NMNAT2: variants seen among roughly 807,000 people sequenced by gnomAD.
NMNAT2 encodes the protein nicotinamide/nicotinic acid mononucleotide adenylyltransferase 2.
In NMNAT2, 11 loss-of-function variants were observed where a neutral mutation model predicts 41.6. That is an observed-to-expected ratio of 0.26 (90% CI 0.17 to 0.44). NMNAT2 has a LOEUF of 0.44. NMNAT2 is among the 20% of genes least tolerant of loss of function. The probability of loss-of-function intolerance (pLI) is 1.00; values close to 1 mark genes in which losing one functional copy is unlikely to be tolerated. For synonymous variants in NMNAT2, 148 were observed against 151.2 expected (o/e 0.98, Z 0.16); for missense variants, 288 against 407.7 (o/e 0.71, Z 2.53).
chr1:183,304,727 C>T, intron 1 of NMNAT2: 2 of 1,614,044 alleles, frequency 1.2e-6, no homozygotes, highest in Middle Eastern at 1.6e-4. Context: ...TCCTCTAGTT[C>T]CTGGATTTCC....
At position 183,401,710 on chromosome 1, in the gene NMNAT2, G is replaced by T. The variant is rs192638312; in HGVS notation, c.85+16473C>A. Among the ~76,000 whole-genome samples the T allele has an allele frequency of 3.7e-4, 56 of 152,150 alleles. 1 individual carries two copies. Among genetic ancestry groups the T allele is most frequent in the African/African-American group, 1.3e-3 (54 of 41,498 alleles). The stretch of plus-strand genomic sequence containing the variant: ...ACTGGATTAAGAAAATGTGGCACAT[G>T]TACACCATGGAATACTATGCAGCCA... On this transcript the variant is annotated intron_variant, in intron 1 of 10. Coordinates refer to ENST00000287713, the MANE Select transcript of NMNAT2 (RefSeq NM_015039.4).
chr1:183,398,961 A>G (rs1049796062), intron 1 of NMNAT2, among the ~76,000 whole-genome samples: 34 of 152,362 alleles, frequency 2.2e-4, no homozygotes, highest in Middle Eastern at 3.4e-3. Flanking sequence ...AGAAAGCAGG[A>G]AAGATCTAAA....
At chr1:183,275,394 G>T (rs1465237593) in intron 8 of NMNAT2, among the ~76,000 whole-genome samples, 1 of 152,056 alleles carries the variant, frequency 6.6e-6, no homozygotes, top group East Asian at 1.9e-4. Context: ...GCTGTGGGTT[G>T]AGGCAGGGGA....
intron 10 of NMNAT2, among the ~76,000 whole-genome samples, chr1:183,258,802 C>T (rs1036917511): frequency 1.3e-5 from 2 of 152,082 alleles, no homozygotes; most frequent in Admixed American, 1.3e-4. Flanking sequence ...CACCCAGGAA[C>T]TGACTCAGTG....
Position 183,278,280 on chromosome 1 carries a change from T to C in NMNAT2, c.651+273A>G, listed in dbSNP as rs16860742. Among the ~76,000 whole-genome samples the C allele has an allele frequency of 6.9e-3, 1,052 of 152,224 alleles. 12 individuals are homozygous for C. Among genetic ancestry groups the C allele is most frequent in the African/African-American group, 0.024 (1,009 of 41,524 alleles). ...CTTCCTTCTCCCCATCGGCAACACATGCATACCCCAGCACTATTTGGTGCT... is the reference window on the plus strand; with the variant it reads ...CTTCCTTCTCCCCATCGGCAACACACGCATACCCCAGCACTATTTGGTGCT... On this transcript the variant is annotated intron_variant, in intron 8 of 10. Transcript: ENST00000287713.
intron 1 of NMNAT2, among the ~76,000 whole-genome samples, chr1:183,311,568 C>T (rs1459143375): frequency 6.6e-6 from 1 of 152,060 alleles, no homozygotes; most frequent in Non-Finnish European, 1.5e-5. Context: ...ACCTGCCTAC[C>T]ACTTCTCAGG....
chr1:183,274,399 C>A (rs1428285775), intron 8 of NMNAT2, among the ~76,000 whole-genome samples: 1 of 152,048 alleles, frequency 6.6e-6, no homozygotes, highest in African/African-American at 2.4e-5. Context: ...GCAATCTCTG[C>A]CTCCCGGGTT....
intron 1 of NMNAT2, among the ~76,000 whole-genome samples, chr1:183,391,436 G>A (rs140496904): frequency 1.3e-5 from 2 of 152,012 alleles, no homozygotes; most frequent in East Asian, 1.9e-4. Flanking sequence ...ACATTCTTTC[G>A]AGATTTCTCC....
In NMNAT2 at chr1:183,252,739, C is replaced by T; in HGVS notation, c.826G>A (p.Ala276Thr). ...SVVSSTKSRL[A>T]LQHGDGHVVD... Reference sequence around the variant, plus strand: ...ACATGGCCGTCCCCATGCTGCAGGGCCAGCCTGCACAAGAAGAGATGACAA... The same window carrying T: ...ACATGGCCGTCCCCATGCTGCAGGGTCAGCCTGCACAAGAAGAGATGACAA... Residue 276 changes from alanine to threonine, a missense_variant, in exon 11 of 11, where the codon GCC becomes ACC. Ala to Thr is a moderately conservative substitution (Grantham distance 58). Around this residue, in one of 3 missense-constraint regions of NMNAT2, gnomAD observed 181 missense variants for 213.7 expected, o/e 0.85. Transcript: ENST00000287713. 1 of 1,612,274 alleles carries T rather than the reference C, an allele frequency of 6.2e-7. No individual in the cohort carries two copies. The highest frequency in any genetic ancestry group is 8.5e-7 in the Non-Finnish European group (1 of 1,178,372).
intron 1 of NMNAT2, among the ~76,000 whole-genome samples, chr1:183,374,953 A>G (rs946793453): frequency 6.6e-6 from 1 of 152,180 alleles, no homozygotes; most frequent in African/African-American, 2.4e-5. Context: ...GTGTCTAAAC[A>G]TGGTCTGCAT....
At chr1:183,402,796 G>A (rs1648848760) in intron 1 of NMNAT2, among the ~76,000 whole-genome samples, 2 of 152,034 alleles carry the variant, frequency 1.3e-5, no homozygotes. Context: ...GTTCCCTCTG[G>A]GGATAATTCA....
At chr1:183,360,107 T>G (rs1176832116) in intron 1 of NMNAT2, among the ~76,000 whole-genome samples, 1 of 152,180 alleles carries the variant, frequency 6.6e-6, no homozygotes, top group African/African-American at 2.4e-5. Flanking sequence ...TGCTCTGTCC[T>G]TATTTCTGTA....
At chr1:183,392,843 C>G (rs921635480) in intron 1 of NMNAT2, among the ~76,000 whole-genome samples, 1 of 152,222 alleles carries the variant, frequency 6.6e-6, no homozygotes, top group African/African-American at 2.4e-5. Context: ...TCACCTTTTG[C>G]AATTGCAATC....
intron 1 of NMNAT2, among the ~76,000 whole-genome samples, chr1:183,375,733 A>G (rs1571626411): frequency 6.6e-6 from 1 of 152,212 alleles, no homozygotes; most frequent in African/African-American, 2.4e-5. Flanking sequence ...CTATCCATTG[A>G]ACGAAGAGTC....
rs369432128 is a variant in NMNAT2 at position 183,341,748 on chromosome 1, C to CAAAAAAAAAAAAAA, written c.86-47956_86-47955insTTTTTTTTTTTTTT. 2.1e-3 allele frequency among the ~76,000 whole-genome samples: 167 copies of CAAAAAAAAAAAAAA among 79,834 alleles called. 20 individuals carry two copies. The highest frequency in any genetic ancestry group is 6.9e-3 in the African/African-American group (157 of 22,676). The allele number at this position is 79,834 out of a possible 152,430, so 52.4% of individuals were successfully genotyped here. A position where few individuals can be genotyped will look rare whatever the true frequency, so the allele number is the denominator to read the frequency against. On this transcript the variant is annotated intron_variant, in intron 1 of 10. Transcript: ENST00000287713. The stretch of plus-strand genomic sequence containing the variant: ...ACCAAAAAAAAAAAAAAAAAAAAAA[C>CAAAAAAAAAAAAAA]CTGTTTCCTTCACTCCAGGTTACTT...
Position 183,381,645 on chromosome 1 carries a change from C to T in NMNAT2, c.85+36538G>A, listed in dbSNP as rs186488931. On this transcript the variant is annotated intron_variant, in intron 1 of 10. Transcript: ENST00000287713. Reference sequence around the variant, plus strand: ...CCAGGAAGAAGAGGTTCCAGTGAGCCGAGATCATGCTAGTGCACTCCAGCC... The same window carrying T: ...CCAGGAAGAAGAGGTTCCAGTGAGCTGAGATCATGCTAGTGCACTCCAGCC... Among the ~76,000 whole-genome samples, 395 of 151,846 alleles carry T rather than the reference C, an allele frequency of 2.6e-3. 2 individuals carry two copies. The highest frequency in any genetic ancestry group is 9.0e-3 in the African/African-American group (371 of 41,380).
chr1:183,326,708 A>G (rs2102335174), intron 1 of NMNAT2, among the ~76,000 whole-genome samples: 1 of 152,316 alleles, frequency 6.6e-6, no homozygotes, highest in South Asian at 2.1e-4. Context: ...TACTCATGAA[A>G]AGCACCCTGG....
At position 183,381,483 on chromosome 1, in the gene NMNAT2, G is replaced by T. The variant is rs557256969; in HGVS notation, c.85+36700C>A. On this transcript the variant is annotated intron_variant, in intron 1 of 10. Transcript: ENST00000287713. ...GGCTGAGGCAGATGGATAACTTGAG[G>T]TCAGGAGTTCAAGACCAGCCTGGCC... 2.0e-5 allele frequency among the ~76,000 whole-genome samples: 3 copies of T among 152,280 alleles called. No homozygotes were observed. In the East Asian group the frequency reaches 5.8e-4, roughly 29 times the overall value.
intron 8 of NMNAT2, among the ~76,000 whole-genome samples, chr1:183,262,755 A>C (rs563985879): frequency 6.6e-6 from 1 of 152,324 alleles, no homozygotes; most frequent in African/African-American, 2.4e-5. Flanking sequence ...TTTATTTTTA[A>C]AGAGCCTGAA....
Sources: allele counts gnomAD v4.1 joint callset (sites outside exome capture counted in the v4.1 genomes callset), GRCh38; gene constraint gnomAD v4.1.1; regional missense constraint gnomAD v4.1.1; transcripts MANE v1.5; gene names NCBI Gene and HGNC (gene_info 2026-07-23, HGNC 2026-07-21).